The following ZNF385D variants were observed in gnomAD, a reference collection of about 807,000 sequenced individuals.
ZNF385D encodes zinc finger protein 659.
In ZNF385D, 15 loss-of-function variants were observed where a neutral mutation model predicts 35.8. The ratio of observed to expected loss-of-function variants is 0.42; its 90% CI spans 0.28 to 0.64. The LOEUF (loss-of-function observed/expected upper bound fraction) is 0.64. ZNF385D is among the 30% of genes least tolerant of loss of function. The pLI is 0.23. For missense variants in ZNF385D, 474 were observed against 494.6 expected (o/e 0.96, Z 0.39); for synonymous variants, 212 against 186.8 (o/e 1.13, Z -1.10).
Position 21,510,993 on chromosome 3 carries a change from T to C in ZNF385D, c.307A>G (p.Lys103Glu). 1 of 1,614,136 alleles carries C rather than the reference T, an allele frequency of 6.2e-7. No individual in the cohort carries two copies. Among genetic ancestry groups the C allele is most frequent in the Non-Finnish European group, 8.5e-7 (1 of 1,180,000 alleles). The change falls in exon 4 of 8, where the codon AAA (lysine) becomes GAA (glutamate). Residue 103 changes from lysine (K) to glutamate (E), a missense_variant. By Grantham distance (56) the Lys-to-Glu change is moderately conservative. Transcript: ENST00000281523. ...SQAAAHYKGTKHAKKLKALEA... is the reference protein window; with the variant it reads ...SQAAAHYKGTEHAKKLKALEA... ...AGTGCTTTGAGCTTCTTGGCATGTTTCGTGCCTTTGTAGTGGGCCGCAGCC... is the reference window on the plus strand; with the variant it reads ...AGTGCTTTGAGCTTCTTGGCATGTTCCGTGCCTTTGTAGTGGGCCGCAGCC...
At chr3:21,708,371 C>T (rs139469504) in intron 1 of ZNF385D, among the ~76,000 whole-genome samples, 412 of 152,260 alleles carry the variant, frequency 2.7e-3, no homozygotes, top group African/African-American at 9.4e-3. Flanking sequence ...AAGTAACTTA[C>T]CCAAGATGGC....
chr3:22,145,522 T>C (rs1340071648), intron 3 of ZNF385D, among the ~76,000 whole-genome samples: 1 of 152,200 alleles, frequency 6.6e-6, no homozygotes, highest in Non-Finnish European at 1.5e-5. Flanking sequence ...TAATGACACA[T>C]GGAAGAATAC....
intron 3 of ZNF385D, among the ~76,000 whole-genome samples, chr3:21,919,494 A>G (rs544084892): frequency 3.9e-5 from 6 of 152,318 alleles, no homozygotes; most frequent in Admixed American, 2.0e-4. Flanking sequence ...ATCTCAATTC[A>G]AAAAAGGTAA....
intron 2 of ZNF385D, among the ~76,000 whole-genome samples, chr3:22,174,012 C>A (rs1002026926): frequency 1.7e-5 from 2 of 114,796 alleles, no homozygotes; most frequent in African/African-American, 6.9e-5. Context: ...AGATTATAAG[C>A]CATTTACACA....
intron 2 of ZNF385D, among the ~76,000 whole-genome samples, chr3:22,280,069 T>C (rs1429028091): frequency 6.6e-6 from 1 of 152,074 alleles, no homozygotes; most frequent in Non-Finnish European, 1.5e-5. Flanking sequence ...TTGTGGTCAT[T>C]TGTTTATCTT....
At chr3:21,453,548 G>A in intron 4 of ZNF385D, among the ~76,000 whole-genome samples, 1 of 151,776 alleles carries the variant, frequency 6.6e-6, no homozygotes, top group East Asian at 1.9e-4. Context: ...CAAAAAATGG[G>A]CAAAATATTT....
chr3:22,096,246 T>C (rs977821358), intron 3 of ZNF385D, among the ~76,000 whole-genome samples: 1 of 151,920 alleles, frequency 6.6e-6, no homozygotes, highest in African/African-American at 2.4e-5. Flanking sequence ...GCAAGATCAT[T>C]TGTACCCCAA....
At chr3:22,243,925 G>A (rs1193693804) in intron 2 of ZNF385D, among the ~76,000 whole-genome samples, 1 of 150,674 alleles carries the variant, frequency 6.6e-6, no homozygotes, top group South Asian at 2.2e-4. Context: ...GAGCACCTTT[G>A]AAATTTACCC....
intron 3 of ZNF385D, among the ~76,000 whole-genome samples, chr3:22,160,304 T>C (rs1275927890): frequency 6.6e-6 from 1 of 152,236 alleles, no homozygotes; most frequent in Admixed American, 6.6e-5. Flanking sequence ...CCAAAAGAGA[T>C]CACTGTGAAG....
chr3:21,720,871 C>T (rs1049204339), intron 1 of ZNF385D, among the ~76,000 whole-genome samples: 1 of 152,124 alleles, frequency 6.6e-6, no homozygotes, highest in Admixed American at 6.5e-5. Context: ...AGAATGATTT[C>T]CATATGGTGA....
At position 21,510,591 on chromosome 3, in the gene ZNF385D, G is replaced by T. The variant is rs552253460; in HGVS notation, c.439+270C>A. ...GGTTCATTTCTCAAAAAGAGTTATG[G>T]GGTACATGGCTTCAAATGCCTTTTA... On this transcript the variant is annotated intron_variant, in intron 4 of 7. Transcript: ENST00000281523. 2.0e-4 allele frequency among the ~76,000 whole-genome samples: 30 copies of T among 152,144 alleles called. No individual in the cohort carries two copies. The South Asian group carries it at 6.2e-3, about 32-fold the overall frequency.
At chr3:22,344,146 T>G (rs1204107934) in intron 2 of ZNF385D, among the ~76,000 whole-genome samples, 2 of 149,630 alleles carry the variant, frequency 1.3e-5, no homozygotes, top group Non-Finnish European at 3.0e-5. Context: ...TTTTGAAGAA[T>G]TTTTATAGGC....
At chr3:21,776,777 C>T (rs747342977) in intron 3 of ZNF385D, among the ~76,000 whole-genome samples, 2 of 151,788 alleles carry the variant, frequency 1.3e-5, no homozygotes, top group Non-Finnish European at 2.9e-5. Context: ...TTACACAAAG[C>T]AAAAAGAAAC....
At chr3:22,084,111 C>A (rs1313214383) in intron 3 of ZNF385D, among the ~76,000 whole-genome samples, 2 of 152,196 alleles carry the variant, frequency 1.3e-5, no homozygotes, top group African/African-American at 2.4e-5. Context: ...ACAACCAGTA[C>A]CAGCCACTGC....
At chr3:22,061,411 A>G (rs1699679957) in intron 3 of ZNF385D, among the ~76,000 whole-genome samples, 1 of 152,104 alleles carries the variant, frequency 6.6e-6, no homozygotes, top group South Asian at 2.1e-4. Flanking sequence ...AGATTACTGT[A>G]CCCACATCCC....
At chr3:21,942,528 C>A (rs1000424930) in intron 3 of ZNF385D, 1 of 152,202 alleles carries the variant, frequency 6.6e-6, no homozygotes, top group Non-Finnish European at 1.5e-5. Context: ...ACATAATTTG[C>A]TCCTTGATTT....
At chr3:21,825,759 C>T (rs1025194934) in intron 3 of ZNF385D, among the ~76,000 whole-genome samples, 8 of 152,184 alleles carry the variant, frequency 5.3e-5, no homozygotes, top group South Asian at 2.1e-4. Context: ...ATTTTTCCCA[C>T]AAACGCTAGC....
chr3:22,129,338 G>A (rs1580633), intron 3 of ZNF385D, among the ~76,000 whole-genome samples: 11,364 of 152,148 alleles, frequency 0.075, 1,411 homozygotes, highest in African/African-American at 0.26. Context: ...CTTGGATACT[G>A]CTGAGTTTGT....
intron 2 of ZNF385D, among the ~76,000 whole-genome samples, chr3:22,362,832 A>G (rs1696476261): frequency 6.6e-6 from 1 of 152,116 alleles, no homozygotes; most frequent in Admixed American, 6.6e-5. Context: ...TCAATTTTCT[A>G]CAACCCCTAT....
Sources: allele counts gnomAD v4.1 joint callset (sites outside exome capture counted in the v4.1 genomes callset), GRCh38; gene constraint gnomAD v4.1.1; transcripts MANE v1.5; gene names NCBI Gene and HGNC (gene_info 2026-07-23, HGNC 2026-07-21).